Variants in ARB2A observed in about 807,000 individuals in gnomAD.
The protein encoded by ARB2A is ARB2 cotranscriptional regulator A.
the ARB2A span, among the ~76,000 whole-genome samples, chr5:93,633,777 C>T: frequency 2.0e-5 from 3 of 152,096 alleles, no homozygotes; most frequent in Non-Finnish European, 2.9e-5. Flanking sequence ...TCAGACTTTA[C>T]TCATCTTCAA....
chr5:93,656,442 T>C, the ARB2A span, among the ~76,000 whole-genome samples: 1 of 152,164 alleles, frequency 6.6e-6, no homozygotes, highest in East Asian at 1.9e-4. Flanking sequence ...AGAGGAAACA[T>C]AATTTTAACT....
chr5:93,643,124 T>A, the ARB2A span, among the ~76,000 whole-genome samples: 1 of 152,214 alleles, frequency 6.6e-6, no homozygotes, highest in African/African-American at 2.4e-5. Context: ...TTAATTTTTG[T>A]CCAAAAAGTA....
At chr5:93,869,322 T>A in the ARB2A span, among the ~76,000 whole-genome samples, 2 of 152,144 alleles carry the variant, frequency 1.3e-5, no homozygotes, top group Non-Finnish European at 2.9e-5. Flanking sequence ...AAATTCAAAT[T>A]GAGGCACAGT....
chr5:93,805,020 A>T, the ARB2A span: 1 of 971,358 alleles, frequency 1.0e-6, no homozygotes, highest in African/African-American at 1.8e-5. Flanking sequence ...AAAAAAATAC[A>T]TCTTTAGAGA....
the ARB2A span, among the ~76,000 whole-genome samples, chr5:94,086,851 C>A: frequency 2.0e-5 from 3 of 152,332 alleles, no homozygotes; most frequent in Admixed American, 6.5e-5. Flanking sequence ...CTGACCCCTG[C>A]TGGTGACTAT....
chr5:93,760,366 A>C, the ARB2A span, among the ~76,000 whole-genome samples: 1 of 152,302 alleles, frequency 6.6e-6, no homozygotes, highest in East Asian at 1.9e-4. Flanking sequence ...CCATCAAAAT[A>C]CCACCATCAT....
the ARB2A span, among the ~76,000 whole-genome samples, chr5:94,009,568 C>G: frequency 6.6e-6 from 1 of 151,970 alleles, no homozygotes; most frequent in Non-Finnish European, 1.5e-5. Context: ...AAAACCACAG[C>G]CATTTTAAAG....
At chr5:93,763,465 T>G in the ARB2A span, among the ~76,000 whole-genome samples, 48 of 152,086 alleles carry the variant, frequency 3.2e-4, no homozygotes, top group African/African-American at 9.9e-4. Context: ...ATTACATAAT[T>G]GTAAAGGGAT....
the ARB2A span, among the ~76,000 whole-genome samples, chr5:93,701,884 C>T: frequency 2.0e-5 from 3 of 152,264 alleles, no homozygotes; most frequent in African/African-American, 7.2e-5. Flanking sequence ...ATATACTTAT[C>T]CAATTCCTTA....
the ARB2A span, chr5:93,804,971 G>C: frequency 1.0e-6 from 1 of 983,296 alleles, no homozygotes; most frequent in Non-Finnish European, 1.2e-6. Flanking sequence ...GCATGTCCTA[G>C]GTGGTGAGAT....
At chr5:93,704,723 C>A in the ARB2A span, among the ~76,000 whole-genome samples, 1 of 152,214 alleles carries the variant, frequency 6.6e-6, no homozygotes, top group African/African-American at 2.4e-5. Flanking sequence ...CACACACCAT[C>A]CAATGTGTCA....
chr5:93,909,525 C>A, the ARB2A span, among the ~76,000 whole-genome samples: 1 of 150,912 alleles, frequency 6.6e-6, no homozygotes, highest in East Asian at 1.9e-4. Context: ...ATGCTCTATC[C>A]TAAAACAAAC....
At chr5:93,947,640 A>G in the ARB2A span, among the ~76,000 whole-genome samples, 4 of 145,970 alleles carry the variant, frequency 2.7e-5, no homozygotes, top group Non-Finnish European at 4.5e-5. Flanking sequence ...AGCATTAGGT[A>G]TATCTCCTAA....
chr5:93,867,435 T>C, the ARB2A span, among the ~76,000 whole-genome samples: 1 of 152,166 alleles, frequency 6.6e-6, no homozygotes, highest in Admixed American at 6.5e-5. Flanking sequence ...TTTATTTATT[T>C]ATTTACGGAG....
the ARB2A span, among the ~76,000 whole-genome samples, chr5:93,956,152 C>G: frequency 6.6e-6 from 1 of 152,164 alleles, no homozygotes; most frequent in Non-Finnish European, 1.5e-5. Context: ...CCAACATGAA[C>G]TCTTAATACA....
At chr5:93,790,695 C>T in the ARB2A span, among the ~76,000 whole-genome samples, 5 of 152,048 alleles carry the variant, frequency 3.3e-5, no homozygotes, top group African/African-American at 9.7e-5. Context: ...AGCAGTGCCA[C>T]GCTGGGGGAA....
chr5:93,649,591 C>T, the ARB2A span, among the ~76,000 whole-genome samples: 1 of 152,150 alleles, frequency 6.6e-6, no homozygotes, highest in African/African-American at 2.4e-5. Flanking sequence ...TGTATAAATT[C>T]TTTTTAATTT....
chr5:93,724,681 T>C, the ARB2A span, among the ~76,000 whole-genome samples: 1 of 152,174 alleles, frequency 6.6e-6, no homozygotes, highest in African/African-American at 2.4e-5. Context: ...AATCCTCCCT[T>C]ATCCCCCAGT....
the ARB2A span, chr5:94,074,583 A>C: frequency 1.6e-6 from 2 of 1,279,148 alleles, no homozygotes; most frequent in Non-Finnish European, 2.2e-6. Flanking sequence ...AGGTCACCTA[A>C]ATATTCCTAC....
Sources: allele counts gnomAD v4.1 joint callset (sites outside exome capture counted in the v4.1 genomes callset), GRCh38; gene constraint gnomAD v4.1.1; transcripts MANE v1.5; gene names NCBI Gene and HGNC (gene_info 2026-07-23, HGNC 2026-07-21).